Variants in AOPEP observed in about 807,000 individuals in gnomAD.
AOPEP encodes aminopeptidase O (putative).
AOPEP carries 77 observed loss-of-function variants against 98.1 expected under a neutral mutation model. The ratio of observed to expected loss-of-function variants is 0.78; its 90% confidence interval spans 0.65 to 0.95. AOPEP has a LOEUF of 0.95. Among genes scored for constraint, AOPEP ranks in the 40% least tolerant of loss-of-function variants. The pLI, the probability that AOPEP is intolerant of heterozygous loss-of-function variation, is 0.00. For missense variants in AOPEP, 1,024 were observed against 1,024.7 expected (o/e 1.00, Z 0.01); for synonymous variants, 346 against 365.3 (o/e 0.95, Z 0.60).
intron 5 of AOPEP, among the ~76,000 whole-genome samples, chr9:94,911,018 T>G (rs1409549592): frequency 6.6e-6 from 1 of 152,214 alleles, no homozygotes; most frequent in Non-Finnish European, 1.5e-5. Context: ...ATACTGTCAT[T>G]ACTACTTAAG....
chr9:95,111,365 G>T, the AOPEP span: 2 of 1,597,828 alleles, frequency 1.3e-6, no homozygotes, highest in Non-Finnish European at 1.7e-6. Flanking sequence ...GAGCTCAGGT[G>T]TCATGGAAGC....
chr9:94,806,595 T>A (rs1849313094), intron 5 of AOPEP, among the ~76,000 whole-genome samples: 1 of 152,222 alleles, frequency 6.6e-6, no homozygotes, highest in African/African-American at 2.4e-5. Flanking sequence ...CTTTCTCCAT[T>A]TTCTCTTTTA....
chr9:95,133,234 C>A, the AOPEP span, among the ~76,000 whole-genome samples: 1 of 152,238 alleles, frequency 6.6e-6, no homozygotes, highest in Non-Finnish European at 1.5e-5. Context: ...GCCCAGGATG[C>A]TGAGGAGAAC....
At position 94,734,209 on chromosome 9, in the gene AOPEP, G is replaced by C. The variant is rs115419430; in HGVS notation, c.-136+7458G>C. On this transcript the variant is annotated intron_variant, in intron 1 of 16. Transcript: ENST00000375315. The stretch of plus-strand genomic sequence containing the variant: ...ATGATCACCAAATAAATCCTAGGGT[G>C]GGGGAGCTTGTCTTGCTTTCTGGCT... Among the ~76,000 whole-genome samples, 17 of 152,274 alleles carry C rather than the reference G, an allele frequency of 1.1e-4. No homozygotes were observed. In the South Asian group the frequency reaches 1.2e-3, roughly 11 times the overall value.
rs567476931 is a variant in AOPEP at position 94,774,778 on chromosome 9, T to C, written c.964+1610T>C. On this transcript the variant is annotated intron_variant, in intron 3 of 16. Coordinates refer to ENST00000375315, the MANE Select transcript of AOPEP (RefSeq NM_001193329.3). ...AAGGTTGTTGGTACATATCCCATAA[T>C]GTTTTCCAGAAAGGCTGTGCCAATT... Among the ~76,000 whole-genome samples, 27 of 152,328 alleles carry C rather than the reference T, an allele frequency of 1.8e-4. No individual in the cohort carries two copies. In the South Asian group the frequency reaches 5.6e-3, roughly 32 times the overall value.
At chr9:95,113,483 T>C in the AOPEP span, among the ~76,000 whole-genome samples, 2 of 151,868 alleles carry the variant, frequency 1.3e-5, no homozygotes, top group African/African-American at 4.8e-5. Context: ...CATAAGAGGG[T>C]ACCTAACACT....
intron 1 of AOPEP, among the ~76,000 whole-genome samples, chr9:94,753,159 T>G (rs978109013): frequency 6.6e-6 from 1 of 152,104 alleles, no homozygotes; most frequent in African/African-American, 2.4e-5. Context: ...TAGAATATAA[T>G]AAAATGGTTG....
At chr9:94,957,742 T>C (rs1258329674) in intron 9 of AOPEP, among the ~76,000 whole-genome samples, 1 of 151,870 alleles carries the variant, frequency 6.6e-6, no homozygotes, top group African/African-American at 2.4e-5. Flanking sequence ...TAACCACTAA[T>C]CCGCTTTCTG....
chr9:94,742,080 G>T (rs1375765312), intron 1 of AOPEP, among the ~76,000 whole-genome samples: 1 of 152,188 alleles, frequency 6.6e-6, no homozygotes, highest in African/African-American at 2.4e-5. Context: ...CGACCACACA[G>T]GGAGTCTTAT....
At chr9:95,005,310 C>A in intron 12 of AOPEP, 90 bp downstream of exon 12, 1 of 780,368 alleles carries the variant, frequency 1.3e-6, no homozygotes, top group Non-Finnish European at 1.7e-6. Context: ...CTGCGGCGCG[C>A]GGGTGCGGGG....
chr9:94,797,903 C>T (rs962065549), intron 4 of AOPEP, among the ~76,000 whole-genome samples: 3 of 152,006 alleles, frequency 2.0e-5, no homozygotes, highest in African/African-American at 4.8e-5. Context: ...TGGGTTTTAC[C>T]GTGTTGGCTA....
chr9:94,883,571 G>A (rs1418158400), intron 5 of AOPEP, among the ~76,000 whole-genome samples: 1 of 152,152 alleles, frequency 6.6e-6, no homozygotes, highest in Non-Finnish European at 1.5e-5. Context: ...TACACACTAA[G>A]TTAAGTTACA....
At chr9:95,100,113 C>T in the AOPEP span, 1 of 232,472 alleles carries the variant, frequency 4.3e-6, no homozygotes, top group African/African-American at 2.2e-5. Flanking sequence ...CCCTCAACTC[C>T]AGTGAAGCAT....
chr9:95,066,443 AAAG>A (rs1285552286), intron 14 of AOPEP, among the ~76,000 whole-genome samples: 4 of 152,256 alleles, frequency 2.6e-5, no homozygotes, highest in African/African-American at 9.6e-5. Context: ...AAATGAAAGT[AAAG>A]AAGAAGCAAG....
chr9:94,985,587 G>C (rs2060468794), intron 11 of AOPEP, among the ~76,000 whole-genome samples: 1 of 152,032 alleles, frequency 6.6e-6, no homozygotes, highest in Non-Finnish European at 1.5e-5. Flanking sequence ...TACATTTAAT[G>C]GTCAGTCAAG....
At chr9:95,071,447 C>T (rs528914134) in intron 14 of AOPEP, among the ~76,000 whole-genome samples, 21 of 151,994 alleles carry the variant, frequency 1.4e-4, no homozygotes, top group Non-Finnish European at 1.9e-4. Context: ...CATTGGGTTC[C>T]GTATTTATGT....
intron 13 of AOPEP, chr9:95,006,223 C>G (rs1481234215): frequency 2.8e-6 from 1 of 359,234 alleles, no homozygotes; most frequent in African/African-American, 2.1e-5. Context: ...AGGTAAGTAG[C>G]CCGTTGTTTT....
At chr9:95,095,846 T>G in the AOPEP span, among the ~76,000 whole-genome samples, 5 of 139,978 alleles carry the variant, frequency 3.6e-5, no homozygotes, top group Admixed American at 1.4e-4. Flanking sequence ...CGCAGGGGTG[T>G]GGGTGGGCCG....
At chr9:94,728,474 G>T (rs1468945727) in intron 1 of AOPEP, among the ~76,000 whole-genome samples, 1 of 152,186 alleles carries the variant, frequency 6.6e-6, no homozygotes, top group Non-Finnish European at 1.5e-5. Flanking sequence ...TCAGGATGCC[G>T]AGTAGATTTT....
Sources: gnomAD v4.1 joint callset for allele counts (sites outside exome capture counted in the v4.1 genomes callset) on GRCh38, gnomAD v4.1.1 for gene constraint, MANE v1.5 for transcripts, NCBI Gene and HGNC (gene_info 2026-07-23, HGNC 2026-07-21) for gene names.